Variants in NFIA observed in about 807,000 individuals in gnomAD.
The protein encoded by NFIA is nuclear factor 1 A-type.
In NFIA, 8 loss-of-function variants were observed where a neutral mutation model predicts 62.8. The ratio of observed to expected loss-of-function variants is 0.13; its 90% CI spans 0.07 to 0.23. The LOEUF is 0.23. Ranked by LOEUF, NFIA falls within the 10% of genes least tolerant of loss-of-function variation. NFIA has a pLI of 1.00. For missense variants in NFIA, 410 were observed against 642.1 expected, an observed-to-expected ratio of 0.64 and a Z score of 3.91; for synonymous variants, 235 against 238.1, an observed-to-expected ratio of 0.99 and a Z score of 0.12.
intron 7 of NFIA, among the ~76,000 whole-genome samples, chr1:61,403,220 T>C (rs1006093659): frequency 2.6e-5 from 4 of 152,254 alleles, no homozygotes; most frequent in African/African-American, 9.6e-5. Context: ...TTGGTTTGAA[T>C]ATCTGCAACC....
At chr1:61,364,112 A>AT (rs1458511765) in intron 6 of NFIA, among the ~76,000 whole-genome samples, 1 of 151,878 alleles carries the variant, frequency 6.6e-6, no homozygotes, top group African/African-American at 2.4e-5. Flanking sequence ...TGCCTGGCTA[A>AT]TTTTTGTATT....
intron 2 of NFIA, among the ~76,000 whole-genome samples, chr1:61,179,959 C>G (rs1650641963): frequency 6.6e-6 from 1 of 152,212 alleles, no homozygotes; most frequent in African/African-American, 2.4e-5. Flanking sequence ...AAGGCTGACT[C>G]TTCCACAGGC....
intron 3 of NFIA, among the ~76,000 whole-genome samples, chr1:61,306,129 C>G (rs894120072): frequency 3.3e-5 from 5 of 151,708 alleles, no homozygotes; most frequent in African/African-American, 7.3e-5. Flanking sequence ...GGATTACAGG[C>G]GTGAGCCACC....
chr1:61,319,188 A>T (rs892579799), intron 3 of NFIA, among the ~76,000 whole-genome samples: 8 of 152,132 alleles, frequency 5.3e-5, no homozygotes, highest in African/African-American at 1.9e-4. Context: ...GGACTAAGTT[A>T]CCTTGCCTTG....
intron 9 of NFIA, among the ~76,000 whole-genome samples, chr1:61,423,263 C>G (rs1666718430): frequency 6.7e-6 from 1 of 148,638 alleles, no homozygotes; most frequent in African/African-American, 2.4e-5. Flanking sequence ...AAAGCAAACA[C>G]TTTCTGTTTC....
intron 9 of NFIA, among the ~76,000 whole-genome samples, chr1:61,418,209 A>T (rs1465477045): frequency 6.6e-6 from 1 of 152,150 alleles, no homozygotes; most frequent in Non-Finnish European, 1.5e-5. Flanking sequence ...CACACCTGTA[A>T]TCCCAGCACA....
At chr1:61,240,797 T>C (rs541013940) in intron 2 of NFIA, among the ~76,000 whole-genome samples, 2 of 152,256 alleles carry the variant, frequency 1.3e-5, no homozygotes, top group South Asian at 2.1e-4. Flanking sequence ...TATTTCAGGT[T>C]TGTAGACATC....
chr1:61,197,986 A>C (rs1461565745), intron 2 of NFIA, among the ~76,000 whole-genome samples: 1 of 152,122 alleles, frequency 6.6e-6, no homozygotes, highest in South Asian at 2.1e-4. Context: ...TGCAAGAAAG[A>C]AAGAAAGAGA....
chr1:61,330,424 G>A (rs1661231297), intron 3 of NFIA, among the ~76,000 whole-genome samples: 1 of 132,586 alleles, frequency 7.5e-6, no homozygotes, highest in Admixed American at 8.8e-5. Flanking sequence ...AAATAACTTA[G>A]GAAATAGATA....
chr1:61,266,259 G>C (rs2100251879), intron 2 of NFIA, among the ~76,000 whole-genome samples: 2 of 152,232 alleles, frequency 1.3e-5, no homozygotes, highest in South Asian at 4.2e-4. Flanking sequence ...CAGTCATAGA[G>C]TCTCCTCCAA....
rs574666343 is a variant in NFIA, at chr1:61,455,616, G to A, written c.*296G>A. The A allele has an allele frequency of 2.1e-6, 1 of 472,626 alleles. No homozygotes were observed. The highest frequency in any genetic ancestry group is 3.5e-5 in the East Asian group (1 of 28,292). The allele number at this position is 472,626 out of a possible 1,614,324, so 29.3% of individuals were successfully genotyped here. A position where few individuals can be genotyped will look rare whatever the true frequency, so the allele number is the denominator to read the frequency against. The stretch of plus-strand genomic sequence containing the variant: ...TTGAAGTGTTTCCATGGTAGCGTGA[G>A]CATTAGGTGACGTGGCTAGCGGAGG... On this transcript the variant is annotated 3_prime_UTR_variant, in exon 11 of 11. Transcript: ENST00000403491.
At chr1:61,328,293 G>A (rs1406769783) in intron 3 of NFIA, among the ~76,000 whole-genome samples, 1 of 151,940 alleles carries the variant, frequency 6.6e-6, no homozygotes, top group Non-Finnish European at 1.5e-5. Context: ...TCCTCTGCCT[G>A]AAGAGCTCTT....
rs199846881 is a variant in NFIA, at chr1:61,421,354, G to GA, written c.1421-5103dup. Among the ~76,000 whole-genome samples the GA allele has an allele frequency of 4.4e-3, 664 of 152,028 alleles. 14 individuals are homozygous for GA. The highest frequency in any genetic ancestry group is 0.041 in the East Asian group (212 of 5,172). On this transcript the variant is annotated intron_variant, in intron 9 of 10. Transcript: ENST00000403491. ...TGTTGAAATATCTCTTGGAGAGAGA[G>GA]AAAAAAAATGAATCTATTAAAATGT...
intron 4 of NFIA, among the ~76,000 whole-genome samples, chr1:61,340,382 A>C (rs908567524): frequency 6.6e-6 from 1 of 152,206 alleles, no homozygotes; most frequent in Admixed American, 6.5e-5. Flanking sequence ...GAGCTTTGCA[A>C]CTTATCAACT....
chr1:61,279,502 G>A (rs903447360), intron 3 of NFIA, among the ~76,000 whole-genome samples: 2 of 151,838 alleles, frequency 1.3e-5, no homozygotes, highest in African/African-American at 2.4e-5. Flanking sequence ...TTATAGACTA[G>A]TTTCGTTCTT....
intron 2 of NFIA, among the ~76,000 whole-genome samples, chr1:61,154,761 A>G (rs1005616939): frequency 6.6e-6 from 1 of 152,246 alleles, no homozygotes; most frequent in Non-Finnish European, 1.5e-5. Flanking sequence ...CCAAACATAC[A>G]TTTAAATAGA....
At chr1:61,190,171 A>G (rs1404901517) in intron 2 of NFIA, among the ~76,000 whole-genome samples, 1 of 152,072 alleles carries the variant, frequency 6.6e-6, no homozygotes, top group East Asian at 1.9e-4. Context: ...ATTTCCCCCC[A>G]TGTTTTACTG....
At chr1:61,259,675 G>C (rs1656635168) in intron 2 of NFIA, among the ~76,000 whole-genome samples, 1 of 152,206 alleles carries the variant, frequency 6.6e-6, no homozygotes, top group South Asian at 2.1e-4. Flanking sequence ...GTATACATGT[G>C]ACTAACAGAG....
intron 3 of NFIA, among the ~76,000 whole-genome samples, chr1:61,315,050 C>T (rs1001498595): frequency 2.0e-5 from 3 of 149,766 alleles, no homozygotes; most frequent in Admixed American, 1.3e-4. Context: ...CAAAAAAAAA[C>T]ACTACATTTA....
Sources: allele counts gnomAD v4.1 joint callset (sites outside exome capture counted in the v4.1 genomes callset), GRCh38; gene constraint gnomAD v4.1.1; transcripts MANE v1.5; gene names NCBI Gene and HGNC (gene_info 2026-07-23, HGNC 2026-07-21).